KIAA1549: variants seen among roughly 807,000 people sequenced by gnomAD.
The protein encoded by KIAA1549 is UPF0606 protein KIAA1549.
KIAA1549 carries 70 observed loss-of-function variants against 156.4 expected under a neutral mutation model. The ratio of observed to expected loss-of-function variants is 0.45; its 90% confidence interval spans 0.37 to 0.55. The LOEUF (loss-of-function observed/expected upper bound fraction) is 0.55, where lower values mean the gene tolerates loss of function less well. KIAA1549 is among the 20% of genes least tolerant of loss of function. The pLI is 0.00. For synonymous variants in KIAA1549, 1,103 were observed against 1,066.4 expected, an observed-to-expected ratio of 1.03 and a Z score of -0.67; for missense variants, 2,428 against 2,540.9, an observed-to-expected ratio of 0.96 and a Z score of 0.96.
At chr7:138,840,360 G>A in intron 18 of KIAA1549, 82 bp from the exon 19 acceptor site, 1 of 1,285,562 alleles carries the variant, frequency 7.8e-7, no homozygotes, top group Non-Finnish European at 1.1e-6. Flanking sequence ...GGAAGACACT[G>A]TCAACTCTGA....
At chr7:138,859,983 G>T (rs1385280569) in intron 16 of KIAA1549, among the ~76,000 whole-genome samples, 1 of 152,158 alleles carries the variant, frequency 6.6e-6, no homozygotes, top group Non-Finnish European at 1.5e-5. Context: ...GCACTACTCT[G>T]CCTCCAGCAC....
chr7:138,903,692 G>T lies in KIAA1549; in HGVS notation c.3565C>A (p.Gln1189Lys). ...GCCAGCTTGCGTTCCATCTCGGCTT[G>T]AAACACTTCATTCTGGAGTTGCTTC... ...MEKQLQNEVFQAEMERKLAQL... is the reference protein window; with the variant it reads ...MEKQLQNEVFKAEMERKLAQL... The change falls in exon 8 of 20, where the codon CAA becomes AAA. Residue 1189 changes from glutamine to lysine, a missense_variant. Around this residue, in one of 5 missense-constraint regions of KIAA1549, gnomAD observed 762 missense variants for 901.6 expected, o/e 0.85. Coordinates refer to ENST00000422774, the MANE Select transcript of KIAA1549 (RefSeq NM_001164665.2). 1.2e-6 allele frequency: 2 copies of T among 1,607,828 alleles called. No homozygotes were observed. The highest frequency in any genetic ancestry group is 1.7e-5 in the Admixed American group (1 of 58,900).
chr7:138,877,077 C>T (rs776147806), intron 12 of KIAA1549, among the ~76,000 whole-genome samples: 1 of 152,218 alleles, frequency 6.6e-6, no homozygotes, highest in Non-Finnish European at 1.5e-5. Flanking sequence ...AGAGGGAACG[C>T]TGGTCCCATG....
At chr7:138,927,827 C>A (rs1426527792) in intron 1 of KIAA1549, among the ~76,000 whole-genome samples, 1 of 152,106 alleles carries the variant, frequency 6.6e-6, no homozygotes, top group Admixed American at 6.5e-5. Flanking sequence ...TGGTGTGAAA[C>A]CTTGTGGTTT....
chr7:138,916,603 G>C, intron 2 of KIAA1549, 145 bp downstream of exon 2: 1 of 1,311,644 alleles, frequency 7.6e-7, no homozygotes, highest in Non-Finnish European at 1.0e-6. Flanking sequence ...ACTCGCAGGA[G>C]GTAAGCATAG....
intron 18 of KIAA1549, among the ~76,000 whole-genome samples, chr7:138,843,171 A>G (rs1299505785): frequency 6.6e-6 from 1 of 152,232 alleles, no homozygotes; most frequent in Non-Finnish European, 1.5e-5. Flanking sequence ...TTTATCAGCT[A>G]AACAACCAAG....
intron 13 of KIAA1549, among the ~76,000 whole-genome samples, chr7:138,870,100 A>G (rs1810884259): frequency 6.6e-6 from 1 of 151,996 alleles, no homozygotes; most frequent in Non-Finnish European, 1.5e-5. Flanking sequence ...ATACGCCCAC[A>G]TCAAGCTCCC....
At chr7:138,915,172 C>G (rs923740433) in intron 2 of KIAA1549, among the ~76,000 whole-genome samples, 12 of 152,158 alleles carry the variant, frequency 7.9e-5, no homozygotes, top group African/African-American at 2.9e-4. Flanking sequence ...TCTCTTCATC[C>G]CCAGATGACA....
rs763456692 is a variant in KIAA1549, at chr7:138,917,142, G to A, written c.2484C>T (p.Phe828=). 1 of 1,613,600 alleles carries A rather than the reference G, an allele frequency of 6.2e-7. No individual in the cohort carries two copies. ...LDGHVSVLAS[F]SKAIPTGTVL... ...CCGTACCAGTGGGAATGGCTTTGGA[G>A]AAAGAGGCCAGGACAGACACGTGAC... Residue 828 remains phenylalanine (F), a synonymous_variant, in exon 2 of 20, where the codon TTC becomes TTT. Transcript: ENST00000422774.
At chr7:138,881,873 T>A (rs899745156) in intron 10 of KIAA1549, among the ~76,000 whole-genome samples, 2 of 152,164 alleles carry the variant, frequency 1.3e-5, no homozygotes, top group African/African-American at 4.8e-5. Context: ...AGGAGCAAGA[T>A]ATTCTTTATA....
chr7:138,918,743 C>G lies in KIAA1549; in HGVS notation c.883G>C (p.Asp295His). The G allele has an allele frequency of 1.2e-6, 2 of 1,613,722 alleles. No homozygotes were observed. The highest frequency in any genetic ancestry group is 1.7e-6 in the Non-Finnish European group (2 of 1,179,826). Residue 295 changes from aspartate to histidine, a missense_variant, in exon 2 of 20, where the codon GAC becomes CAC. Physicochemically the swap from Asp to His is moderately conservative, Grantham distance 81. This residue lies in a region of KIAA1549 where 893 missense variants were observed against 847.9 expected (regional missense o/e 1.05). Coordinates refer to ENST00000422774, the MANE Select transcript of KIAA1549 (RefSeq NM_001164665.2). The surrounding 1 kb of genome is among the most constrained non-coding windows in gnomAD (Gnocchi z 4.2). ...SRSLMPQPLGDGITIPLPSLG... is the reference protein window; with the variant it reads ...SRSLMPQPLGHGITIPLPSLG... ...GAGGGCAACGGTATAGTAATGCCGT[C>G]GCCTAACGGCTGTGGCATTAAAGAC...
At chr7:138,952,221 A>G (rs902390965) in intron 1 of KIAA1549, among the ~76,000 whole-genome samples, 7 of 152,244 alleles carry the variant, frequency 4.6e-5, no homozygotes. Context: ...TAATCTGCAC[A>G]AGGTCAAGAG....
Position 138,918,291 on chromosome 7 carries a change from C to A in KIAA1549, c.1335G>T (p.Gly445=). The part of the protein sequence containing the change: ...TSLMEKDVGS[G]DGAETLCMTV... ...TCATGCACAGAGTCTCGGCACCATCCCCTGATCCCACGTCTTTCTCCATGA... is the reference window on the plus strand; with the variant it reads ...TCATGCACAGAGTCTCGGCACCATCACCTGATCCCACGTCTTTCTCCATGA... The change falls in exon 2 of 20, where the codon GGG becomes GGT. Residue 445 remains glycine (G), a synonymous_variant. Transcript: ENST00000422774. This position sits in a 1 kb window ranked among gnomAD's most constrained non-coding sequence, Gnocchi z 4.2. The A allele has an allele frequency of 6.2e-7, 1 of 1,614,002 alleles. No individual in the cohort carries two copies. The highest frequency in any genetic ancestry group is 8.5e-7 in the Non-Finnish European group (1 of 1,179,898).
chr7:138,855,009 A>C (rs1563050369), intron 16 of KIAA1549, among the ~76,000 whole-genome samples: 1 of 152,246 alleles, frequency 6.6e-6, no homozygotes, highest in Non-Finnish European at 1.5e-5. Context: ...AGATTCTGGC[A>C]GCACGATGTG....
intron 18 of KIAA1549, among the ~76,000 whole-genome samples, chr7:138,842,061 C>T (rs1442266019): frequency 2.0e-5 from 3 of 152,200 alleles, no homozygotes; most frequent in Non-Finnish European, 2.9e-5. Context: ...TACCAGCACT[C>T]CTTGCCCAAC....
rs940694286 is a variant in KIAA1549, at chr7:138,833,754, A to G, written c.*4152T>C. ...CAAACGGCTGCTTGAGATCTGCTCT[A>G]AACAATGACCTCAGTGTCATTCTCA... is the stretch of plus-strand genomic sequence containing the variant. On this transcript the variant is annotated 3_prime_UTR_variant, in exon 20 of 20. Coordinates refer to ENST00000422774, the MANE Select transcript of KIAA1549 (RefSeq NM_001164665.2). 4 of 233,024 alleles carry G rather than the reference A, an allele frequency of 1.7e-5. No homozygotes were observed. Among genetic ancestry groups the G allele is most frequent in the East Asian group, 6.0e-5 (1 of 16,584 alleles). The allele number at this position is 233,024 out of a possible 1,614,324, so 14.4% of individuals were successfully genotyped here. A position where few individuals can be genotyped will look rare whatever the true frequency, so the allele number is the denominator to read the frequency against.
intron 10 of KIAA1549, among the ~76,000 whole-genome samples, chr7:138,884,638 G>A (rs1042062715): frequency 4.6e-5 from 7 of 152,250 alleles, no homozygotes; most frequent in Middle Eastern, 3.4e-3. Context: ...TAATTAACCC[G>A]GTATAATGTG....
intron 10 of KIAA1549, among the ~76,000 whole-genome samples, chr7:138,883,639 A>C (rs1001504011): frequency 3.3e-5 from 5 of 152,284 alleles, no homozygotes; most frequent in African/African-American, 1.2e-4. Flanking sequence ...AGGTATGTAG[A>C]AATGTGGACA....
chr7:138,935,527 AAC>A (rs1159408010), intron 1 of KIAA1549, among the ~76,000 whole-genome samples: 2 of 152,206 alleles, frequency 1.3e-5, no homozygotes, highest in Non-Finnish European at 2.9e-5. Flanking sequence ...TTTAATTTAA[AAC>A]ACAGTCCTGT....
Sources: allele counts gnomAD v4.1 joint callset (sites outside exome capture counted in the v4.1 genomes callset), GRCh38; gene constraint gnomAD v4.1.1; regional missense constraint gnomAD v4.1.1; non-coding constraint Gnocchi (gnomAD v3.1); transcripts MANE v1.5; gene names NCBI Gene and HGNC (gene_info 2026-07-23, HGNC 2026-07-21).